Variants in TBXAS1 observed in about 807,000 individuals in gnomAD.
TBXAS1 encodes the protein thromboxane A synthase 1.
Under a neutral mutation model 60.7 loss-of-function variants are expected in TBXAS1, and 48 were observed. The observed-to-expected ratio is 0.79, with a 90% CI of 0.63 to 1.01. The LOEUF (loss-of-function observed/expected upper bound fraction) is 1.01, where lower values mean the gene tolerates loss of function less well. Among genes scored for constraint, TBXAS1 ranks in the 50% least tolerant of loss-of-function variants. The pLI, the probability that TBXAS1 is intolerant of heterozygous loss-of-function variation, is 0.00. For missense variants in TBXAS1, 685 were observed against 686.3 expected, an observed-to-expected ratio of 1.00 and a Z score of 0.02; for synonymous variants, 287 against 269.7, an observed-to-expected ratio of 1.06 and a Z score of -0.63.
At chr7:139,920,933 T>C (rs1029541306) in intron 4 of TBXAS1, among the ~76,000 whole-genome samples, 3 of 152,190 alleles carry the variant, frequency 2.0e-5, no homozygotes, top group African/African-American at 7.2e-5. Context: ...TTAATGCGAC[T>C]TTTTGCAGGT....
chr7:139,962,158 C>T lies in TBXAS1; in HGVS notation c.1059C>T (p.Ala353=), dbSNP rs1810419178. The part of the protein sequence containing the change: ...YEIITNTLSF[A]TYLLATNPDC... ...TCATCACCAACACACTTTCTTTTGC[C>T]ACCTACCTACTGGCCACCAACCCTG... is the stretch of plus-strand genomic sequence containing the variant. Residue 353 remains alanine, a synonymous_variant, in exon 9 of 13, where the codon GCC becomes GCT. Transcript: ENST00000448866. 4 of 1,614,076 alleles carry T rather than the reference C, an allele frequency of 2.5e-6. No individual in the cohort carries two copies.
chr7:140,011,393 A>G (rs1814607220), intron 10 of TBXAS1, among the ~76,000 whole-genome samples: 1 of 108,444 alleles, frequency 9.2e-6, no homozygotes, highest in South Asian at 4.0e-4. Context: ...CCCCTAGAGA[A>G]GAGAAAGATA....
intron 10 of TBXAS1, among the ~76,000 whole-genome samples, chr7:140,009,991 C>T (rs183089758): frequency 1.7e-5 from 2 of 115,662 alleles, no homozygotes; most frequent in South Asian, 3.1e-4. Flanking sequence ...GCCCCACACC[C>T]GCTCCACACC....
Position 139,778,795 on chromosome 7 carries a change from C to CT in TBXAS1, c.-318+325dup, listed in dbSNP as rs541437900. Among the ~76,000 whole-genome samples, 26 of 152,324 alleles carry CT rather than the reference C, an allele frequency of 1.7e-4. No individual in the cohort carries two copies. The East Asian group carries it at 4.8e-3, about 28-fold the overall frequency. ...GCTTCCGCTAAACACTCTCCAGACT[C>CT]TCCCCAGCCGGGAGCCTCTCCAGGT... On this transcript the variant is annotated intron_variant, in intron 1 of 16. Transcript: ENST00000336425. This position sits in a 1 kb window ranked among gnomAD's most constrained non-coding sequence, Gnocchi z 4.8.
intron 3 of TBXAS1, among the ~76,000 whole-genome samples, chr7:139,876,890 GT>G (rs142576701): frequency 0.015 from 2,327 of 152,248 alleles, 32 homozygotes; most frequent in African/African-American, 0.033. Context: ...ACTTCTGGGT[GT>G]ATCTGCTGGG....
chr7:139,976,741 C>T (rs1811590906), intron 9 of TBXAS1, among the ~76,000 whole-genome samples: 1 of 152,102 alleles, frequency 6.6e-6, no homozygotes, highest in Admixed American at 6.5e-5. Flanking sequence ...TTAGAAGCCC[C>T]AGCGGATTCT....
intron 3 of TBXAS1, among the ~76,000 whole-genome samples, chr7:139,905,126 G>A (rs1045302403): frequency 4.7e-5 from 6 of 128,702 alleles, no homozygotes; most frequent in African/African-American, 1.8e-4. Flanking sequence ...TTGTCTGATT[G>A]TTCTGGCTAG....
At chr7:139,794,436 CT>C (rs1797489800) in intron 4 of TBXAS1, among the ~76,000 whole-genome samples, 1 of 152,060 alleles carries the variant, frequency 6.6e-6, no homozygotes, top group African/African-American at 2.4e-5. Context: ...ACATTTTGTG[CT>C]TTATAATCCC....
intron 3 of TBXAS1, among the ~76,000 whole-genome samples, chr7:139,884,438 A>G (rs185479624): frequency 1.5e-4 from 23 of 152,340 alleles, no homozygotes; most frequent in African/African-American, 5.5e-4. Flanking sequence ...AGGTGTGGCC[A>G]GCTGATTACT....
chr7:139,986,477 A>G (rs972790477), intron 9 of TBXAS1, among the ~76,000 whole-genome samples: 2 of 152,108 alleles, frequency 1.3e-5, no homozygotes, highest in African/African-American at 4.8e-5. Context: ...CAAGCAGTAT[A>G]TAATGAACCC....
chr7:139,968,071 A>C (rs1024209373), intron 9 of TBXAS1, among the ~76,000 whole-genome samples: 6 of 152,152 alleles, frequency 3.9e-5, no homozygotes, highest in Non-Finnish European at 7.4e-5. Flanking sequence ...TCAGGCATGA[A>C]AGTCAATAAT....
intron 4 of TBXAS1, among the ~76,000 whole-genome samples, chr7:139,820,213 A>G (rs1798259222): frequency 6.6e-6 from 1 of 152,142 alleles, no homozygotes; most frequent in Admixed American, 6.5e-5. Flanking sequence ...TTTTGCAAGG[A>G]GAACTACGTC....
intron 5 of TBXAS1, among the ~76,000 whole-genome samples, chr7:139,937,239 G>A (rs903512298): frequency 6.6e-6 from 1 of 152,196 alleles, no homozygotes; most frequent in African/African-American, 2.4e-5. Flanking sequence ...GGCATCTCTA[G>A]AGCAAGGGAG....
intron 2 of TBXAS1, among the ~76,000 whole-genome samples, chr7:139,873,195 G>T (rs1012523832): frequency 6.6e-6 from 1 of 152,188 alleles, no homozygotes; most frequent in African/African-American, 2.4e-5. Context: ...ACGTGAGAAT[G>T]ACAGCACAGG....
At chr7:139,998,214 G>A (rs997074310) in intron 9 of TBXAS1, among the ~76,000 whole-genome samples, 1 of 152,210 alleles carries the variant, frequency 6.6e-6, no homozygotes, top group African/African-American at 2.4e-5. Context: ...ACTACTGAGG[G>A]GCATGTGACC....
At chr7:139,906,503 C>T (rs1305296565) in intron 3 of TBXAS1, among the ~76,000 whole-genome samples, 2 of 152,056 alleles carry the variant, frequency 1.3e-5, no homozygotes, top group Non-Finnish European at 2.9e-5. Context: ...TGTCTTTCTG[C>T]CAATACCACA....
chr7:139,936,244 C>T lies in TBXAS1; in HGVS notation c.387C>T (p.Asp129=), dbSNP rs763711236. The change falls in exon 5 of 13, where the codon GAC becomes GAT. Residue 129 remains aspartate, a synonymous_variant. Coordinates refer to ENST00000448866, the MANE Select transcript of TBXAS1 (RefSeq NM_001061.7). ...CCGACAGCGTTCTGTTTTTACGTGA[C>T]AAAAGATGGGAAGAGGTCAGAGGTG... The part of the protein sequence containing the change: ...SVADSVLFLR[D]KRWEEVRGAL... The T allele has an allele frequency of 6.2e-7, 1 of 1,614,190 alleles. No individual in the cohort carries two copies. Among genetic ancestry groups the T allele is most frequent in the East Asian group, 2.2e-5 (1 of 44,886 alleles).
At chr7:139,853,110 G>C (rs1800339817) in intron 1 of TBXAS1, among the ~76,000 whole-genome samples, 1 of 151,870 alleles carries the variant, frequency 6.6e-6, no homozygotes, top group Non-Finnish European at 1.5e-5. Flanking sequence ...GTGCAGAGGA[G>C]ATAATGACAG....
At chr7:139,883,083 C>T (rs781254074) in intron 3 of TBXAS1, among the ~76,000 whole-genome samples, 2 of 152,086 alleles carry the variant, frequency 1.3e-5, no homozygotes, top group Admixed American at 6.5e-5. Context: ...AGAAAGTTGT[C>T]CACAGGACAA....
Sources: allele counts gnomAD v4.1 joint callset (sites outside exome capture counted in the v4.1 genomes callset), GRCh38; gene constraint gnomAD v4.1.1; non-coding constraint Gnocchi (gnomAD v3.1); transcripts MANE v1.5; gene names NCBI Gene and HGNC (gene_info 2026-07-23, HGNC 2026-07-21).